The following SVIL variants were observed in gnomAD, a reference collection of about 807,000 sequenced individuals.
SVIL encodes the protein archvillin.
SVIL carries 101 observed loss-of-function variants against 240.4 expected under a neutral mutation model. The observed-to-expected ratio is 0.42, with a 90% confidence interval of 0.36 to 0.50. SVIL has a LOEUF of 0.50. SVIL is among the 20% of genes least tolerant of loss of function. The pLI is 0.01. For synonymous variants in SVIL, 999 were observed against 1,100.0 expected (o/e 0.91, Z 1.82); for missense variants, 2,512 against 2,818.7 (o/e 0.89, Z 2.46).
chr10:29,518,611 T>C (rs918092692), intron 16 of SVIL, among the ~76,000 whole-genome samples: 14 of 151,264 alleles, frequency 9.3e-5, no homozygotes, highest in Admixed American at 4.6e-4. Context: ...ATCCCAACAC[T>C]TTGGGAGGCT....
intron 29 of SVIL, among the ~76,000 whole-genome samples, chr10:29,475,763 G>A (rs1322843319): frequency 6.6e-6 from 1 of 152,180 alleles, no homozygotes; most frequent in African/African-American, 2.4e-5. Context: ...AGCAGTTGGT[G>A]GGAACACCCA....
intron 1 of SVIL, among the ~76,000 whole-genome samples, chr10:29,593,433 A>G (rs1424151331): frequency 6.6e-6 from 1 of 152,188 alleles, no homozygotes; most frequent in Non-Finnish European, 1.5e-5. Context: ...TCTGCCCATC[A>G]GGAAGATTCC....
At position 29,532,512 on chromosome 10, in the gene SVIL, T is replaced by A. The variant is rs1483645676; in HGVS notation, c.1838+17A>T. ...GTGCAAGTGACACAGCTGGAGGGCGTGTGAAGCATCACCTACAGTTCAGGT... is the reference window on the plus strand; with the variant it reads ...GTGCAAGTGACACAGCTGGAGGGCGAGTGAAGCATCACCTACAGTTCAGGT... On this transcript the variant is annotated intron_variant, in intron 8 of 37. Coordinates refer to ENST00000355867, the MANE Select transcript of SVIL (RefSeq NM_021738.3). 6.3e-7 allele frequency: 1 copy of A among 1,592,898 alleles called. No homozygotes were observed. Among genetic ancestry groups the A allele is most frequent in the South Asian group, 1.1e-5 (1 of 89,184 alleles).
chr10:29,686,534 C>T (rs1461401861), intron 2 of SVIL: 1 of 152,148 alleles, frequency 6.6e-6, no homozygotes, highest in Non-Finnish European at 1.5e-5. Context: ...AAACATATTC[C>T]GAAATCATCA....
At chr10:29,623,509 A>G (rs1380977964) in intron 1 of SVIL, among the ~76,000 whole-genome samples, 1 of 152,246 alleles carries the variant, frequency 6.6e-6, no homozygotes, top group African/African-American at 2.4e-5. Context: ...GCTGGGTGTT[A>G]TCTGGAGCCA....
chr10:29,469,193 T>C (rs989265484), intron 32 of SVIL: 1 of 152,210 alleles, frequency 6.6e-6, no homozygotes, highest in Non-Finnish European at 1.5e-5. Context: ...GGGCCTCAAA[T>C]GCCTTGGGCC....
chr10:29,471,879 C>G (rs1439903592), intron 30 of SVIL, among the ~76,000 whole-genome samples: 1 of 152,264 alleles, frequency 6.6e-6, no homozygotes, highest in African/African-American at 2.4e-5. Context: ...AGTTATCAAT[C>G]TCTGTGCCCA....
chr10:29,617,904 G>T (rs981442217), intron 1 of SVIL, among the ~76,000 whole-genome samples: 2 of 152,210 alleles, frequency 1.3e-5, no homozygotes, highest in Non-Finnish European at 2.9e-5. Context: ...ATGCCTGAAA[G>T]AACAGTCCAC....
intron 2 of SVIL, among the ~76,000 whole-genome samples, 154 bp downstream of exon 2, chr10:29,569,101 A>T (rs1955246025): frequency 6.6e-6 from 1 of 152,226 alleles, no homozygotes; most frequent in South Asian, 2.1e-4. Context: ...AAATACAAAG[A>T]TTCCTCTGCT....
At chr10:29,581,858 C>A (rs1955959374) in intron 1 of SVIL, among the ~76,000 whole-genome samples, 1 of 152,308 alleles carries the variant, frequency 6.6e-6, no homozygotes, top group Non-Finnish European at 1.5e-5. Context: ...ACTGAATATA[C>A]ATATGATGGA....
intron 1 of SVIL, among the ~76,000 whole-genome samples, chr10:29,591,357 C>A (rs1956382373): frequency 1.3e-5 from 2 of 152,168 alleles, no homozygotes; most frequent in South Asian, 2.1e-4. Flanking sequence ...TGACTGTGGG[C>A]CATGGCATTG....
At chr10:29,727,745 A>G (rs201557391) in intron 1 of SVIL, among the ~76,000 whole-genome samples, 4 of 150,684 alleles carry the variant, frequency 2.7e-5, no homozygotes, top group Non-Finnish European at 3.0e-5. Context: ...GAACACAAAA[A>G]AAAAAAAAAA....
intron 17 of SVIL, among the ~76,000 whole-genome samples, chr10:29,506,703 C>T (rs61849286): frequency 8.6e-5 from 9 of 105,102 alleles, no homozygotes; most frequent in South Asian, 3.1e-4. Flanking sequence ...AGAGGCCCTA[C>T]GAGGGAGGGG....
intron 15 of SVIL, 39 bp downstream of exon 15, chr10:29,523,412 C>T (rs781590158): frequency 3.4e-5 from 52 of 1,531,740 alleles, no homozygotes; most frequent in Non-Finnish European, 4.2e-5. Flanking sequence ...AACTAAAACC[C>T]AGTGGCTTTC....
chr10:29,535,624 G>A (rs1037716513), intron 7 of SVIL, among the ~76,000 whole-genome samples: 1 of 152,230 alleles, frequency 6.6e-6, no homozygotes, highest in Admixed American at 6.5e-5. Context: ...TGAGCAGATG[G>A]GACGCCGGCT....
intron 2 of SVIL, among the ~76,000 whole-genome samples, chr10:29,665,050 A>C (rs1341078409): frequency 1.3e-5 from 2 of 151,970 alleles, no homozygotes; most frequent in Admixed American, 1.3e-4. Flanking sequence ...GACCAGCTGG[A>C]GCAACATAGT....
chr10:29,577,048 T>C (rs997214970), intron 1 of SVIL, among the ~76,000 whole-genome samples: 2 of 151,998 alleles, frequency 1.3e-5, no homozygotes, highest in Non-Finnish European at 2.9e-5. Context: ...GCCCAGTTAA[T>C]TTTTGTATTT....
At chr10:29,704,047 C>T (rs898548715) in intron 1 of SVIL, among the ~76,000 whole-genome samples, 1 of 152,182 alleles carries the variant, frequency 6.6e-6, no homozygotes, top group African/African-American at 2.4e-5. Context: ...AAATAATTCT[C>T]CCGCCTCGGC....
chr10:29,549,565 A>C (rs1364742678), intron 6 of SVIL, among the ~76,000 whole-genome samples: 1 of 146,792 alleles, frequency 6.8e-6, no homozygotes, highest in African/African-American at 2.5e-5. Context: ...ATAAAGACAC[A>C]TGCACACGTA....
Sources: gnomAD v4.1 joint callset for allele counts (sites outside exome capture counted in the v4.1 genomes callset) on GRCh38, gnomAD v4.1.1 for gene constraint, MANE v1.5 for transcripts, NCBI Gene and HGNC (gene_info 2026-07-23, HGNC 2026-07-21) for gene names.